The following ABTB3 variants were observed in gnomAD, a reference collection of about 807,000 sequenced individuals.
ABTB3 encodes the protein ankyrin repeat- and BTB/POZ domain-containing protein 3.
the ABTB3 span, among the ~76,000 whole-genome samples, chr12:107,505,274 C>T: frequency 1.3e-5 from 2 of 151,960 alleles, no homozygotes; most frequent in Non-Finnish European, 2.9e-5. Flanking sequence ...AAAATAGCCT[C>T]GAAATATCTT....
chr12:107,318,764 C>T, the ABTB3 span: 12 of 687,848 alleles, frequency 1.7e-5, no homozygotes, highest in South Asian at 2.3e-4. Context: ...TCTGTATATT[C>T]CAGCGGCGGC....
At chr12:107,494,500 C>A in the ABTB3 span, among the ~76,000 whole-genome samples, 1 of 152,156 alleles carries the variant, frequency 6.6e-6, no homozygotes, top group Non-Finnish European at 1.5e-5. Flanking sequence ...GGGTAGAAGG[C>A]CTCTCCCAGC....
the ABTB3 span, among the ~76,000 whole-genome samples, chr12:107,655,168 G>A: frequency 2.0e-5 from 3 of 152,046 alleles, no homozygotes; most frequent in South Asian, 2.1e-4. Context: ...AGCATATCTC[G>A]TGATTTACTA....
At chr12:107,485,679 G>GT in the ABTB3 span, among the ~76,000 whole-genome samples, 2 of 152,090 alleles carry the variant, frequency 1.3e-5, no homozygotes, top group Non-Finnish European at 2.9e-5. Context: ...TGGGATCATT[G>GT]TTTTTTGATT....
At chr12:107,439,799 T>C in the ABTB3 span, among the ~76,000 whole-genome samples, 7 of 152,276 alleles carry the variant, frequency 4.6e-5, no homozygotes, top group African/African-American at 1.7e-4. Flanking sequence ...AACATACCCA[T>C]CCCCTCTCAA....
At chr12:107,465,862 T>G in the ABTB3 span, among the ~76,000 whole-genome samples, 1 of 152,172 alleles carries the variant, frequency 6.6e-6, no homozygotes, top group Admixed American at 6.5e-5. Flanking sequence ...TCTTTCATGC[T>G]CTTGCAGAAA....
At chr12:107,422,518 A>G in the ABTB3 span, among the ~76,000 whole-genome samples, 1 of 152,232 alleles carries the variant, frequency 6.6e-6, no homozygotes, top group Non-Finnish European at 1.5e-5. Context: ...CTGTAGAAAG[A>G]TAAGAGGGAA....
At chr12:107,567,355 C>T in the ABTB3 span, among the ~76,000 whole-genome samples, 2 of 152,196 alleles carry the variant, frequency 1.3e-5, no homozygotes, top group Admixed American at 6.5e-5. Flanking sequence ...AGTCATGTGC[C>T]GTGGGACAAT....
chr12:107,532,599 T>A, the ABTB3 span, among the ~76,000 whole-genome samples: 2 of 152,180 alleles, frequency 1.3e-5, no homozygotes, highest in East Asian at 3.8e-4. Flanking sequence ...GGAAACCTAT[T>A]TAATAAAATA....
chr12:107,368,067 A>G, the ABTB3 span, among the ~76,000 whole-genome samples: 1 of 152,238 alleles, frequency 6.6e-6, no homozygotes, highest in African/African-American at 2.4e-5. Context: ...ACAGCTGCAC[A>G]GTTAACTCCA....
At chr12:107,651,835 C>T in the ABTB3 span, 193 of 1,521,084 alleles carry the variant, frequency 1.3e-4, no homozygotes, top group Non-Finnish European at 1.7e-4. Context: ...GCGCTGAAGC[C>T]GGGGAGGCTT....
At chr12:107,499,649 G>A in the ABTB3 span, among the ~76,000 whole-genome samples, 6 of 151,618 alleles carry the variant, frequency 4.0e-5, no homozygotes, top group African/African-American at 4.9e-5. Context: ...TTCATATGGC[G>A]GCAAGAGGGG....
chr12:107,557,865 C>CT, the ABTB3 span, among the ~76,000 whole-genome samples: 2 of 152,232 alleles, frequency 1.3e-5, no homozygotes, highest in African/African-American at 4.8e-5. Context: ...GGCTCCAGAA[C>CT]TTGCTTCCTT....
chr12:107,613,154 C>T, the ABTB3 span, among the ~76,000 whole-genome samples: 2 of 152,174 alleles, frequency 1.3e-5, no homozygotes, highest in Non-Finnish European at 2.9e-5. Context: ...TTCCTTGGCT[C>T]GGCAGTCCTG....
chr12:107,596,594 G>A, the ABTB3 span, among the ~76,000 whole-genome samples: 77 of 152,174 alleles, frequency 5.1e-4, no homozygotes, highest in Non-Finnish European at 9.3e-4. Flanking sequence ...TAGCCTGGGC[G>A]ACAGAGCAAG....
At chr12:107,515,379 C>T in the ABTB3 span, among the ~76,000 whole-genome samples, 3 of 152,238 alleles carry the variant, frequency 2.0e-5, no homozygotes, top group East Asian at 1.9e-4. Context: ...GCCCAGGTCT[C>T]GAGTCTCCTT....
chr12:107,604,215 G>A, the ABTB3 span, among the ~76,000 whole-genome samples: 89 of 152,116 alleles, frequency 5.9e-4, no homozygotes, highest in African/African-American at 2.0e-3. Context: ...TTGGGAGGCC[G>A]AAGCAGGCAG....
the ABTB3 span, among the ~76,000 whole-genome samples, chr12:107,482,993 C>CCTTCT: frequency 3.6e-4 from 20 of 54,976 alleles, no homozygotes; most frequent in African/African-American, 1.4e-3. Context: ...TCTTTCCTTC[C>CCTTCT]TTCCTTCCTT....
At chr12:107,648,033 A>G in the ABTB3 span, among the ~76,000 whole-genome samples, 33 of 152,318 alleles carry the variant, frequency 2.2e-4, 1 homozygote, top group South Asian at 6.8e-3. Flanking sequence ...GATTTTGCCC[A>G]CACAGCTGCC....
Sources: gnomAD v4.1 joint callset for allele counts (sites outside exome capture counted in the v4.1 genomes callset) on GRCh38, gnomAD v4.1.1 for gene constraint, MANE v1.5 for transcripts, NCBI Gene and HGNC (gene_info 2026-07-23, HGNC 2026-07-21) for gene names.